LSAMP: variants seen among roughly 807,000 people sequenced by gnomAD.
LSAMP encodes the protein limbic system associated membrane protein, also known as limbic system-associated membrane protein.
LSAMP carries 7 observed loss-of-function variants against 38.6 expected under a neutral mutation model. The ratio of observed to expected loss-of-function variants is 0.18; its 90% CI spans 0.10 to 0.34. The LOEUF is 0.34. Ranked by LOEUF, LSAMP falls within the 10% of genes least tolerant of loss-of-function variation. The pLI is 1.00. For missense variants in LSAMP, 313 were observed against 420.0 expected (o/e 0.75, Z 2.23); for synonymous variants, 154 against 166.8 (o/e 0.92, Z 0.59).
At chr3:116,209,061 G>C (rs1042278675) in intron 1 of LSAMP, among the ~76,000 whole-genome samples, 3 of 152,332 alleles carry the variant, frequency 2.0e-5, no homozygotes, top group African/African-American at 7.2e-5. Context: ...GACTCCTTGG[G>C]GGTAGGACCC....
intron 1 of LSAMP, among the ~76,000 whole-genome samples, chr3:116,298,850 T>C (rs1009894047): frequency 2.0e-5 from 3 of 152,272 alleles, no homozygotes; most frequent in East Asian, 3.9e-4. Flanking sequence ...CAGGTCCTTA[T>C]AGCAAGCAGA....
At chr3:115,874,759 A>G (rs1936138384) in intron 3 of LSAMP, among the ~76,000 whole-genome samples, 1 of 152,100 alleles carries the variant, frequency 6.6e-6, no homozygotes, top group Non-Finnish European at 1.5e-5. Context: ...AGCAGGCAAG[A>G]TATCTCGAGT....
chr3:115,883,506 G>C (rs565615169), intron 3 of LSAMP, among the ~76,000 whole-genome samples: 1 of 151,910 alleles, frequency 6.6e-6, no homozygotes, highest in Admixed American at 6.6e-5. Flanking sequence ...TGGAAAATAC[G>C]CAATAATCAC....
At chr3:116,107,526 AG>A (rs1342965588) in intron 1 of LSAMP, among the ~76,000 whole-genome samples, 3 of 151,854 alleles carry the variant, frequency 2.0e-5, no homozygotes, top group African/African-American at 7.2e-5. Context: ...TAGGAAGGAA[AG>A]GAGTTGTTGT....
intron 1 of LSAMP, among the ~76,000 whole-genome samples, chr3:116,120,039 T>C (rs1242758372): frequency 6.6e-6 from 1 of 152,196 alleles, no homozygotes; most frequent in Non-Finnish European, 1.5e-5. Context: ...AATCTTAGGA[T>C]AAAATTTTAT....
At chr3:116,168,952 G>T (rs1710128132) in intron 1 of LSAMP, among the ~76,000 whole-genome samples, 1 of 152,180 alleles carries the variant, frequency 6.6e-6, no homozygotes, top group Admixed American at 6.5e-5. Flanking sequence ...TGTAATACCA[G>T]TACCCTGGGA....
At chr3:116,136,648 G>C (rs1412004071) in intron 1 of LSAMP, among the ~76,000 whole-genome samples, 2 of 151,902 alleles carry the variant, frequency 1.3e-5, no homozygotes, top group Non-Finnish European at 1.5e-5. Flanking sequence ...TTCCATTCCT[G>C]ATGGTATCAC....
intron 4 of LSAMP, among the ~76,000 whole-genome samples, chr3:115,844,558 G>A (rs1301429526): frequency 2.0e-5 from 3 of 152,156 alleles, no homozygotes; most frequent in Non-Finnish European, 2.9e-5. Context: ...CAGAATAGAG[G>A]TTCTGGGCTT....
At chr3:116,032,064 TA>T (rs981049650) in intron 2 of LSAMP, among the ~76,000 whole-genome samples, 3 of 152,126 alleles carry the variant, frequency 2.0e-5, no homozygotes, top group Non-Finnish European at 2.9e-5. Flanking sequence ...GGGATGGGGA[TA>T]GGGGAGAGAA....
intron 3 of LSAMP, among the ~76,000 whole-genome samples, chr3:115,918,482 C>A (rs749681421): frequency 1.3e-5 from 2 of 152,092 alleles, no homozygotes; most frequent in Non-Finnish European, 2.9e-5. Context: ...GAGAAGGGGG[C>A]ATTTTGTTAT....
chr3:116,220,604 TTTCA>T (rs1201904879), intron 1 of LSAMP, among the ~76,000 whole-genome samples: 1 of 152,204 alleles, frequency 6.6e-6, no homozygotes, highest in East Asian at 1.9e-4. Context: ...TTCTTATTCC[TTTCA>T]GGTGTCAGGA....
chr3:116,133,592 C>A (rs1354339128), intron 1 of LSAMP, among the ~76,000 whole-genome samples: 1 of 152,104 alleles, frequency 6.6e-6, no homozygotes, highest in Non-Finnish European at 1.5e-5. Flanking sequence ...AGATTACAGG[C>A]ATTAGCCACA....
intron 1 of LSAMP, among the ~76,000 whole-genome samples, chr3:116,147,140 T>G (rs1315840110): frequency 1.3e-5 from 2 of 151,912 alleles, no homozygotes; most frequent in Non-Finnish European, 2.9e-5. Context: ...AGCCAATTTT[T>G]TTACACATAC....
At chr3:116,222,584 A>G (rs952570280) in intron 1 of LSAMP, among the ~76,000 whole-genome samples, 2 of 152,142 alleles carry the variant, frequency 1.3e-5, no homozygotes. Flanking sequence ...AACAGAAAGT[A>G]TAGGCTGGGG....
At chr3:116,411,632 G>C (rs1202698520) in intron 1 of LSAMP, among the ~76,000 whole-genome samples, 1 of 114,670 alleles carries the variant, frequency 8.7e-6, no homozygotes, top group African/African-American at 3.3e-5. Flanking sequence ...GTTGTGGGGT[G>C]GGGGGAGGGG....
chr3:116,277,666 C>T (rs553575734), intron 1 of LSAMP, among the ~76,000 whole-genome samples: 9 of 152,254 alleles, frequency 5.9e-5, no homozygotes, highest in Admixed American at 2.0e-4. Context: ...CCACTGCGCC[C>T]GGCCTGCTCT....
intron 3 of LSAMP, among the ~76,000 whole-genome samples, chr3:115,861,658 G>A (rs528315701): frequency 1.3e-5 from 2 of 152,286 alleles, no homozygotes; most frequent in Admixed American, 6.5e-5. Flanking sequence ...GACTTCCTAA[G>A]TGTGAATGCA....
chr3:116,397,758 C>T (rs1430761127), intron 1 of LSAMP, among the ~76,000 whole-genome samples: 1 of 152,054 alleles, frequency 6.6e-6, no homozygotes, highest in Admixed American at 6.6e-5. Flanking sequence ...GAGGAAGGCA[C>T]CACTCAGAGA....
intron 1 of LSAMP, among the ~76,000 whole-genome samples, chr3:116,105,653 T>C (rs1162362478): frequency 1.3e-5 from 2 of 152,102 alleles, no homozygotes; most frequent in Non-Finnish European, 2.9e-5. Flanking sequence ...CAAATCACAA[T>C]GGTGGAATGT....
Sources: gnomAD v4.1 joint callset for allele counts (sites outside exome capture counted in the v4.1 genomes callset) on GRCh38, gnomAD v4.1.1 for gene constraint, MANE v1.5 for transcripts, NCBI Gene and HGNC (gene_info 2026-07-23, HGNC 2026-07-21) for gene names.